The following HMCN1 variants were observed in gnomAD, a reference collection of about 807,000 sequenced individuals.
HMCN1 encodes hemicentin 1.
Under a neutral mutation model 625.9 loss-of-function variants are expected in HMCN1, and 321 were observed. The ratio of observed to expected loss-of-function variants is 0.51; its 90% CI spans 0.47 to 0.56. The LOEUF (loss-of-function observed/expected upper bound fraction) is 0.56. Among genes scored for constraint, HMCN1 ranks in the 20% least tolerant of loss-of-function variants. The pLI is 0.00. For missense variants in HMCN1, 6,588 were observed against 6,887.3 expected, an observed-to-expected ratio of 0.96 and a Z score of 1.54; for synonymous variants, 2,425 against 2,417.6, an observed-to-expected ratio of 1.00 and a Z score of -0.09.
chr1:185,777,843 C>T (rs1376674173), intron 1 of HMCN1, among the ~76,000 whole-genome samples: 1 of 152,180 alleles, frequency 6.6e-6, no homozygotes, highest in Non-Finnish European at 1.5e-5. Context: ...TGCTTCCATC[C>T]TTTTTGAGGC....
At chr1:185,933,450 TG>T in intron 10 of HMCN1, 98 bp from the exon 11 acceptor site, 1 of 1,156,928 alleles carries the variant, frequency 8.6e-7, no homozygotes, top group Non-Finnish European at 1.3e-6. Flanking sequence ...TCTTTCCTAC[TG>T]GATGTTCAGT....
chr1:186,038,065 A>C, intron 37 of HMCN1, 30 bp downstream of exon 37: 1 of 1,361,834 alleles, frequency 7.3e-7, no homozygotes, highest in Non-Finnish European at 1.1e-6. Flanking sequence ...CTGTAACTTA[A>C]TATTTTAAGA....
chr1:185,868,677 A>T (rs991413042), intron 4 of HMCN1, among the ~76,000 whole-genome samples: 13 of 152,176 alleles, frequency 8.5e-5, no homozygotes, highest in Admixed American at 3.9e-4. Context: ...GTCTTCGGCA[A>T]TTCTTTATAG....
At chr1:186,095,714 TTA>T (rs1377119181) in intron 68 of HMCN1, among the ~76,000 whole-genome samples, 193 bp downstream of exon 68, 5 of 152,172 alleles carry the variant, frequency 3.3e-5, no homozygotes, top group Admixed American at 3.3e-4. Flanking sequence ...ATTGTATTTT[TTA>T]TCTCTCTGAA....
intron 4 of HMCN1, among the ~76,000 whole-genome samples, chr1:185,900,068 T>A (rs1665713021): frequency 6.6e-6 from 1 of 152,066 alleles, no homozygotes; most frequent in Non-Finnish European, 1.5e-5. Flanking sequence ...AATGTCCTCC[T>A]GCCTCTGTTT....
intron 1 of HMCN1, among the ~76,000 whole-genome samples, chr1:185,787,001 T>A (rs1474401135): frequency 1.3e-5 from 2 of 152,230 alleles, no homozygotes; most frequent in Non-Finnish European, 2.9e-5. Context: ...ATTTTCTCTT[T>A]ATTTTTCTCT....
chr1:185,859,652 C>A (rs1662738755), intron 2 of HMCN1, among the ~76,000 whole-genome samples: 1 of 151,800 alleles, frequency 6.6e-6, no homozygotes, highest in Admixed American at 6.6e-5. Flanking sequence ...TTCCATAGAT[C>A]ATTTTATTTA....
intron 15 of HMCN1, among the ~76,000 whole-genome samples, chr1:185,973,290 A>C (rs1650959368): frequency 6.6e-6 from 1 of 152,132 alleles, no homozygotes; most frequent in South Asian, 2.1e-4. Context: ...TGATTCTTTG[A>C]ACCTTGAAAA....
chr1:185,988,096 T>C (rs1208412292), intron 20 of HMCN1, among the ~76,000 whole-genome samples: 2 of 152,230 alleles, frequency 1.3e-5, no homozygotes, highest in Non-Finnish European at 2.9e-5. Flanking sequence ...AGTAGGTGAT[T>C]TCACTAAAGG....
chr1:186,109,606 A>G (rs1036760678), intron 71 of HMCN1, among the ~76,000 whole-genome samples: 1 of 152,196 alleles, frequency 6.6e-6, no homozygotes, highest in African/African-American at 2.4e-5. Context: ...ATCCAGACTA[A>G]AGGGTAAGGA....
At chr1:186,189,038 C>G (rs1031660260) in intron 106 of HMCN1, among the ~76,000 whole-genome samples, 1 of 152,078 alleles carries the variant, frequency 6.6e-6, no homozygotes. Context: ...AAGAAGTACC[C>G]CTTTCTCACC....
chr1:186,134,165 G>A (rs562026890), intron 86 of HMCN1, among the ~76,000 whole-genome samples: 67 of 152,114 alleles, frequency 4.4e-4, no homozygotes, highest in African/African-American at 1.4e-3. Flanking sequence ...TACCAGAAGC[G>A]ATATTTTTAT....
chr1:186,188,836 C>T (rs546614238), intron 106 of HMCN1, among the ~76,000 whole-genome samples: 1 of 152,204 alleles, frequency 6.6e-6, no homozygotes, highest in South Asian at 2.1e-4. Context: ...CTTAACAAAA[C>T]CTCTAAAAAT....
intron 4 of HMCN1, among the ~76,000 whole-genome samples, chr1:185,867,526 T>C (rs1017529976): frequency 1.2e-4 from 19 of 152,206 alleles, no homozygotes; most frequent in African/African-American, 3.9e-4. Context: ...AATAGCATTC[T>C]CTCTTACATC....
intron 19 of HMCN1, among the ~76,000 whole-genome samples, chr1:185,986,883 A>T (rs1420641491): frequency 6.6e-6 from 1 of 150,768 alleles, no homozygotes; most frequent in East Asian, 1.9e-4. Flanking sequence ...AAATAAAAAA[A>T]CTCTTAAGAT....
At position 185,909,407 on chromosome 1, in the gene HMCN1, A is replaced by G; in HGVS notation, c.692A>G (p.Gln231Arg). The change falls in exon 5 of 107, where the codon CAG (glutamine) becomes CGG (arginine). Residue 231 changes from glutamine (Q) to arginine (R), a missense_variant. Physicochemically the swap from Gln to Arg is conservative, Grantham distance 43. Coordinates refer to ENST00000271588, the MANE Select transcript of HMCN1 (RefSeq NM_031935.3). ...VHLLSTDHLE[Q>R]AVNTWRIPFD... ...CTTTTATCCACAGATCATTTGGAAC[A>G]GGCTGTAAATACTTGGAGAATTCCT... The G allele has an allele frequency of 1.2e-6, 2 of 1,613,444 alleles. No individual in the cohort carries two copies. Among genetic ancestry groups the G allele is most frequent in the Non-Finnish European group, 1.7e-6 (2 of 1,179,452 alleles).
chr1:185,867,711 C>T (rs1422013897), intron 4 of HMCN1, among the ~76,000 whole-genome samples: 6 of 152,004 alleles, frequency 3.9e-5, no homozygotes, highest in Non-Finnish European at 8.8e-5. Flanking sequence ...ATGGCTGGCA[C>T]CTAAGCTTTT....
intron 16 of HMCN1, among the ~76,000 whole-genome samples, chr1:185,978,901 G>A (rs561293189): frequency 2.0e-5 from 3 of 152,166 alleles, no homozygotes; most frequent in African/African-American, 4.8e-5. Context: ...GGCTGGTCTC[G>A]AATTCTTGAC....
chr1:186,054,861 G>A (rs1043243209), intron 44 of HMCN1, among the ~76,000 whole-genome samples: 2 of 151,882 alleles, frequency 1.3e-5, no homozygotes, highest in South Asian at 4.1e-4. Flanking sequence ...CCTTTTATTA[G>A]GAGAGCAAAA....
Sources: allele counts gnomAD v4.1 joint callset (sites outside exome capture counted in the v4.1 genomes callset), GRCh38; gene constraint gnomAD v4.1.1; transcripts MANE v1.5; gene names NCBI Gene and HGNC (gene_info 2026-07-23, HGNC 2026-07-21).